The following IQCH variants were observed in gnomAD, a reference collection of about 807,000 sequenced individuals.
IQCH encodes IQ motif containing H.
A neutral mutation model predicts 117.0 loss-of-function variants in IQCH; 98 were observed. The observed-to-expected ratio is 0.84, with a 90% CI of 0.71 to 0.99. The LOEUF (loss-of-function observed/expected upper bound fraction) is 0.99, where lower values mean the gene tolerates loss of function less well. Among genes scored for constraint, IQCH ranks in the 50% least tolerant of loss-of-function variants. IQCH has a pLI of 0.00. For synonymous variants in IQCH, 412 were observed against 448.2 expected, an observed-to-expected ratio of 0.92 and a Z score of 1.02; for missense variants, 1,102 against 1,243.8, an observed-to-expected ratio of 0.89 and a Z score of 1.72.
In IQCH at chr15:67,490,299, G is replaced by T. The variant is rs372583275; in HGVS notation, c.2861+235G>T. On this transcript the variant is annotated intron_variant, in intron 19 of 20. Coordinates refer to ENST00000335894, the MANE Select transcript of IQCH (RefSeq NM_001031715.3). This position sits in a 1 kb window ranked among gnomAD's most constrained non-coding sequence, Gnocchi z 4.9. The stretch of plus-strand genomic sequence containing the variant: ...CAGCTCACTGCAACCTCCACCTCCC[G>T]GGTTCAAGCGATTCTCCTGCCTCAG... Among the ~76,000 whole-genome samples, 5 of 152,022 alleles carry T rather than the reference G, an allele frequency of 3.3e-5. No homozygotes were observed. Among genetic ancestry groups the T allele is most frequent in the African/African-American group, 1.2e-4 (5 of 41,398 alleles).
intron 4 of IQCH, among the ~76,000 whole-genome samples, chr15:67,321,260 A>C (rs1968105409): frequency 6.6e-6 from 1 of 152,132 alleles, no homozygotes; most frequent in South Asian, 2.1e-4. Context: ...TGTGTTCAAA[A>C]TAGTATTTCT....
At chr15:67,477,033 TTC>T (rs1351703728) in intron 18 of IQCH, among the ~76,000 whole-genome samples, 7 of 147,448 alleles carry the variant, frequency 4.7e-5, no homozygotes, top group Non-Finnish European at 8.9e-5. Context: ...ACATTCTATT[TTC>T]TTTTTCTTCT....
At chr15:67,437,673 C>T (rs536658261) in intron 16 of IQCH, among the ~76,000 whole-genome samples, 6 of 152,228 alleles carry the variant, frequency 3.9e-5, no homozygotes, top group African/African-American at 1.4e-4. Flanking sequence ...TGAAGGGATA[C>T]ATATTCAAGG....
At chr15:67,444,311 A>G (rs887984555) in intron 16 of IQCH, among the ~76,000 whole-genome samples, 1 of 152,252 alleles carries the variant, frequency 6.6e-6, no homozygotes, top group African/African-American at 2.4e-5. Flanking sequence ...AAGAGTTTAA[A>G]TGTGCAGCCC....
intron 4 of IQCH, among the ~76,000 whole-genome samples, 173 bp downstream of exon 4, chr15:67,279,685 C>A (rs1275264172): frequency 6.6e-6 from 1 of 152,136 alleles, no homozygotes; most frequent in African/African-American, 2.4e-5. Flanking sequence ...ATATAGTAAA[C>A]ACCATTGAAT....
chr15:67,303,976 T>C (rs1161213925), intron 4 of IQCH, among the ~76,000 whole-genome samples: 1 of 152,144 alleles, frequency 6.6e-6, no homozygotes, highest in Non-Finnish European at 1.5e-5. Context: ...TGTGTATTTG[T>C]AGTATAGATT....
At chr15:67,353,653 C>T (rs981769104) in intron 6 of IQCH, among the ~76,000 whole-genome samples, 1 of 151,956 alleles carries the variant, frequency 6.6e-6, no homozygotes, top group South Asian at 2.1e-4. Context: ...GCCACTGCGC[C>T]GTCAAAAATT....
chr15:67,470,778 C>T (rs2083053981), intron 17 of IQCH, among the ~76,000 whole-genome samples: 1 of 151,810 alleles, frequency 6.6e-6, no homozygotes, highest in Non-Finnish European at 1.5e-5. Context: ...CACACATGGA[C>T]AAACCTCCTT....
intron 16 of IQCH, among the ~76,000 whole-genome samples, chr15:67,437,413 G>A (rs1315895640): frequency 6.6e-6 from 1 of 152,180 alleles, no homozygotes; most frequent in Non-Finnish European, 1.5e-5. Context: ...ACAACAGGCT[G>A]CAGCCCTAGA....
intron 4 of IQCH, among the ~76,000 whole-genome samples, chr15:67,319,085 G>A (rs1194780920): frequency 6.6e-6 from 1 of 151,558 alleles, no homozygotes; most frequent in Non-Finnish European, 1.5e-5. Context: ...AAATTAACCA[G>A]GCGTGGTGGC....
At chr15:67,402,235 T>A (rs1330474321) in intron 14 of IQCH, among the ~76,000 whole-genome samples, 1 of 152,180 alleles carries the variant, frequency 6.6e-6, no homozygotes, top group Non-Finnish European at 1.5e-5. Flanking sequence ...AATCATTTTT[T>A]AAAACTTAAC....
chr15:67,468,701 G>A lies in IQCH; in HGVS notation c.2676+3404G>A, dbSNP rs1459338101. 4.6e-5 allele frequency among the ~76,000 whole-genome samples: 7 copies of A among 152,148 alleles called. No homozygotes were observed. The East Asian group carries it at 1.2e-3, about 25-fold the overall frequency. ...TTATTGCAGCCACATTCAAGTTTAC[G>A]CTTGTTAAACTGCTACTTGGATTAT... On this transcript the variant is annotated intron_variant, in intron 17 of 20. Coordinates refer to ENST00000335894, the MANE Select transcript of IQCH (RefSeq NM_001031715.3).
chr15:67,354,366 GA>G (rs541630922), intron 6 of IQCH, among the ~76,000 whole-genome samples: 5 of 150,672 alleles, frequency 3.3e-5, no homozygotes, highest in Middle Eastern at 3.4e-3. Flanking sequence ...TATACCAAAA[GA>G]AAAAAAAATC....
At chr15:67,296,304 G>C (rs1966852117) in intron 4 of IQCH, among the ~76,000 whole-genome samples, 1 of 152,196 alleles carries the variant, frequency 6.6e-6, no homozygotes, top group Admixed American at 6.5e-5. Flanking sequence ...AGAGGGAAGA[G>C]GAAGACATTC....
rs1406863802 is a variant in IQCH, at chr15:67,427,763, C to A, written c.2505+6186C>A. On this transcript the variant is annotated intron_variant, in intron 16 of 20. Transcript: ENST00000335894. The surrounding 1 kb of genome is among the most constrained non-coding windows in gnomAD (Gnocchi z 4.7). ...AAATAATCACAAAGATTTAAATACA[C>A]ATATATTAATCACATCATTATTAAG... is the stretch of plus-strand genomic sequence containing the variant. 6.6e-6 allele frequency among the ~76,000 whole-genome samples: 1 copy of A among 151,666 alleles called. No homozygotes were observed. Among genetic ancestry groups the A allele is most frequent in the Non-Finnish European group, 1.5e-5 (1 of 67,952 alleles).
intron 18 of IQCH, among the ~76,000 whole-genome samples, chr15:67,484,896 A>G (rs1266982796): frequency 6.6e-6 from 1 of 152,132 alleles, no homozygotes; most frequent in African/African-American, 2.4e-5. Context: ...AATGACCATC[A>G]TCCAATTAAA....
intron 14 of IQCH, among the ~76,000 whole-genome samples, chr15:67,414,907 T>C (rs1326376185): frequency 6.6e-6 from 1 of 152,104 alleles, no homozygotes; most frequent in African/African-American, 2.4e-5. Context: ...TTCCCACTTG[T>C]CTGAGAGAGG....
In IQCH at chr15:67,301,658, C is replaced by T. The variant is rs149756799; in HGVS notation, c.387+22146C>T. ...CTCCTGACCTCAAATGATCCACCCACCTCGGCCTCCCAAAGTGCTGGGATT... is the reference window on the plus strand; with the variant it reads ...CTCCTGACCTCAAATGATCCACCCATCTCGGCCTCCCAAAGTGCTGGGATT... On this transcript the variant is annotated intron_variant, in intron 4 of 20. Coordinates refer to ENST00000335894, the MANE Select transcript of IQCH (RefSeq NM_001031715.3). Among the ~76,000 whole-genome samples the T allele has an allele frequency of 5.9e-3, 897 of 152,042 alleles. 10 individuals carry two copies. The highest frequency in any genetic ancestry group is 0.021 in the African/African-American group (863 of 41,468).
chr15:67,337,416 T>G (rs866468645), intron 5 of IQCH, among the ~76,000 whole-genome samples: 1 of 152,206 alleles, frequency 6.6e-6, no homozygotes, highest in Admixed American at 6.5e-5. Flanking sequence ...GAGCAGATCA[T>G]TTTTGATATA....
Sources: gnomAD v4.1 joint callset for allele counts (sites outside exome capture counted in the v4.1 genomes callset) on GRCh38, gnomAD v4.1.1 for gene constraint, Gnocchi (gnomAD v3.1) non-coding constraint, MANE v1.5 for transcripts, NCBI Gene and HGNC (gene_info 2026-07-23, HGNC 2026-07-21) for gene names.